The following KCNIP4 variants were observed in gnomAD, a reference collection of about 807,000 sequenced individuals.
KCNIP4 encodes potassium voltage-gated channel interacting protein 4, also known as Kv channel-interacting protein 4.
KCNIP4 carries 12 observed loss-of-function variants against 34.0 expected under a neutral mutation model. That is an observed-to-expected ratio of 0.35 (90% CI 0.23 to 0.57). KCNIP4 has a LOEUF of 0.57. Among genes scored for constraint, KCNIP4 ranks in the 20% least tolerant of loss-of-function variants. KCNIP4 has a pLI of 0.83. For missense variants in KCNIP4, 238 were observed against 311.7 expected (o/e 0.76, Z 1.78); for synonymous variants, 124 against 102.2 (o/e 1.21, Z -1.29).
chr4:21,430,248 A>G (rs1387917613), intron 1 of KCNIP4, among the ~76,000 whole-genome samples: 1 of 152,136 alleles, frequency 6.6e-6, no homozygotes, highest in Admixed American at 6.5e-5. Context: ...ATCACGTTTT[A>G]TACTTACTAG....
chr4:21,423,781 T>A (rs2109637446), intron 1 of KCNIP4, among the ~76,000 whole-genome samples: 1 of 152,034 alleles, frequency 6.6e-6, no homozygotes, highest in South Asian at 2.1e-4. Flanking sequence ...TACAGTATCC[T>A]ATATTTGAGC....
At chr4:20,799,703 T>C (rs180713905) in intron 3 of KCNIP4, among the ~76,000 whole-genome samples, 18 of 152,276 alleles carry the variant, frequency 1.2e-4, no homozygotes, top group Middle Eastern at 3.4e-3. Flanking sequence ...TTCTGTCATG[T>C]CCCACCATCC....
At chr4:21,605,287 G>A (rs1454445870) in intron 1 of KCNIP4, among the ~76,000 whole-genome samples, 2 of 152,080 alleles carry the variant, frequency 1.3e-5, no homozygotes, top group African/African-American at 4.8e-5. Flanking sequence ...AAACACTATG[G>A]CACAAAGGTA....
chr4:21,581,304 T>C (rs1163438874), intron 1 of KCNIP4, among the ~76,000 whole-genome samples: 1 of 152,036 alleles, frequency 6.6e-6, no homozygotes, highest in Admixed American at 6.6e-5. Flanking sequence ...TCTTCCTTTT[T>C]AGGAAAATTC....
At chr4:20,979,939 G>A (rs1018472023) in intron 1 of KCNIP4, among the ~76,000 whole-genome samples, 1 of 152,278 alleles carries the variant, frequency 6.6e-6, no homozygotes, top group African/African-American at 2.4e-5. Context: ...CCTAATCCAT[G>A]CAAGCCACCC....
intron 1 of KCNIP4, among the ~76,000 whole-genome samples, chr4:21,840,258 C>A (rs1254299619): frequency 6.6e-6 from 1 of 151,550 alleles, no homozygotes; most frequent in Non-Finnish European, 1.5e-5. Flanking sequence ...AATGTCATTC[C>A]GGTGATGGGT....
chr4:21,533,142 A>G (rs1041398863), intron 1 of KCNIP4, among the ~76,000 whole-genome samples: 2 of 152,046 alleles, frequency 1.3e-5, no homozygotes, highest in Non-Finnish European at 2.9e-5. Context: ...TGATGTTTAA[A>G]GTCTGTAAAT....
chr4:20,880,287 G>C (rs965636437), intron 2 of KCNIP4, among the ~76,000 whole-genome samples: 4 of 152,012 alleles, frequency 2.6e-5, no homozygotes, highest in Non-Finnish European at 5.9e-5. Flanking sequence ...GAACATGAGA[G>C]ACTTTTGCAA....
intron 4 of KCNIP4, among the ~76,000 whole-genome samples, chr4:20,752,065 T>TTTC (rs1283733932): frequency 9.0e-5 from 13 of 144,132 alleles, no homozygotes; most frequent in Admixed American, 6.4e-4. Flanking sequence ...GTTTTTTTTT[T>TTTC]TTTTTTTTTT....
intron 1 of KCNIP4, among the ~76,000 whole-genome samples, chr4:21,549,522 TA>T (rs1428456419): frequency 1.3e-5 from 2 of 152,020 alleles, no homozygotes; most frequent in Non-Finnish European, 2.9e-5. Context: ...TTGCTTTAAA[TA>T]AAAGCTTCCT....
At position 20,892,273 on chromosome 4, in the gene KCNIP4, G is replaced by A. The variant is rs188279171; in HGVS notation, c.62-9564C>T. 1.2e-3 allele frequency among the ~76,000 whole-genome samples: 183 copies of A among 152,316 alleles called. 1 individual carries two copies. The highest frequency in any genetic ancestry group is 4.1e-3 in the African/African-American group (171 of 41,574). On this transcript the variant is annotated intron_variant, in intron 1 of 8. Coordinates refer to ENST00000382152, the MANE Select transcript of KCNIP4 (RefSeq NM_025221.6). ...TTGAATTTGCTGAAAACGATCTACA[G>A]ATTCCAAATGCAAATGGAGTAAATT...
chr4:20,743,049 A>C lies in KCNIP4; in HGVS notation c.429+6613T>G, dbSNP rs529739129. ...TATAAGGGTGTGAAGGACCCTTATA[A>C]GGGTGTGAAGGACCCTTATAAGTTC... is the stretch of plus-strand genomic sequence containing the variant. On this transcript the variant is annotated intron_variant, in intron 5 of 8. Transcript: ENST00000382152. Among the ~76,000 whole-genome samples, 18 of 151,992 alleles carry C rather than the reference A, an allele frequency of 1.2e-4. 1 individual carries two copies. The South Asian group carries it at 3.7e-3, about 32-fold the overall frequency.
At chr4:20,766,384 G>A (rs954219593) in intron 3 of KCNIP4, among the ~76,000 whole-genome samples, 2 of 152,076 alleles carry the variant, frequency 1.3e-5, no homozygotes, top group African/African-American at 4.8e-5. Flanking sequence ...TGGACAACAT[G>A]GTGAAACCCT....
intron 1 of KCNIP4, among the ~76,000 whole-genome samples, chr4:21,112,243 AAGGATCTATCTTC>A (rs1419374489): frequency 3.3e-5 from 5 of 152,164 alleles, no homozygotes; most frequent in Admixed American, 6.5e-5. Context: ...CAATATTTTT[AAGGATCTATCTTC>A]AGGATCTATC....
At chr4:21,005,983 CTTAAAAG>C (rs1738522305) in intron 1 of KCNIP4, among the ~76,000 whole-genome samples, 1 of 152,134 alleles carries the variant, frequency 6.6e-6, no homozygotes, top group Non-Finnish European at 1.5e-5. Context: ...ACCTCATGCC[CTTAAAAG>C]TATTTATGTC....
intron 1 of KCNIP4, among the ~76,000 whole-genome samples, chr4:21,017,731 C>T (rs184916559): frequency 9.9e-5 from 15 of 152,178 alleles, no homozygotes; most frequent in African/African-American, 2.9e-4. Context: ...TGGGCCAAAT[C>T]GTATTTCCAG....
chr4:21,463,820 A>G (rs1007533732), intron 1 of KCNIP4, among the ~76,000 whole-genome samples: 4 of 152,088 alleles, frequency 2.6e-5, no homozygotes, highest in African/African-American at 4.8e-5. Flanking sequence ...CGAATTCACC[A>G]GCAAAGCCAT....
intron 1 of KCNIP4, among the ~76,000 whole-genome samples, chr4:21,571,668 T>C (rs1740379166): frequency 6.6e-6 from 1 of 152,074 alleles, no homozygotes; most frequent in Admixed American, 6.6e-5. Flanking sequence ...TGAAAACTCA[T>C]CTGGCTTGCA....
chr4:21,762,793 A>G (rs944824746), intron 1 of KCNIP4: 13 of 552,430 alleles, frequency 2.4e-5, no homozygotes, highest in African/African-American at 1.8e-4. Flanking sequence ...TCTTCCAGTC[A>G]TGACTCTTCT....
Sources: allele counts gnomAD v4.1 joint callset (sites outside exome capture counted in the v4.1 genomes callset), GRCh38; gene constraint gnomAD v4.1.1; transcripts MANE v1.5; gene names NCBI Gene and HGNC (gene_info 2026-07-23, HGNC 2026-07-21).